The following EP400 variants were observed in gnomAD, a reference collection of about 807,000 sequenced individuals.
EP400 encodes E1A-binding protein p400.
Under a neutral mutation model 354.1 loss-of-function variants are expected in EP400, and 105 were observed. That is an observed-to-expected ratio of 0.30 (90% CI 0.25 to 0.35). The LOEUF (loss-of-function observed/expected upper bound fraction) is 0.35. Among genes scored for constraint, EP400 ranks in the 10% least tolerant of loss-of-function variants. The pLI is 1.00. For missense variants in EP400, 3,280 were observed against 4,121.0 expected, an observed-to-expected ratio of 0.80 and a Z score of 5.59; for synonymous variants, 1,646 against 1,716.9, an observed-to-expected ratio of 0.96 and a Z score of 1.02.
intron 45 of EP400, among the ~76,000 whole-genome samples, chr12:132,060,463 G>A (rs1895653974): frequency 1.3e-5 from 2 of 152,234 alleles, no homozygotes; most frequent in Non-Finnish European, 2.9e-5. Context: ...TGACCAAGAG[G>A]TCTTTCAAGC....
At position 132,077,851 on chromosome 12, in the gene EP400, C is replaced by A; in HGVS notation, c.*178C>A. The A allele has an allele frequency of 2.3e-6, 2 of 851,554 alleles. No individual in the cohort carries two copies. Among genetic ancestry groups the A allele is most frequent in the African/African-American group, 1.7e-5 (1 of 58,666 alleles). The allele number at this position is 851,554 out of a possible 1,614,324, so 52.7% of individuals were successfully genotyped here. A position where few individuals can be genotyped will look rare whatever the true frequency, so the allele number is the denominator to read the frequency against. ...CATCCCACACTGCAGGACAAATGGT[C>A]CTTATGGAGTGCCGCGTTCTCTGTA... is the stretch of plus-strand genomic sequence containing the variant. On this transcript the variant is annotated 3_prime_UTR_variant, in exon 53 of 53. Transcript: ENST00000389561.
intron 19 of EP400, among the ~76,000 whole-genome samples, chr12:132,014,645 A>G (rs1893867620): frequency 6.6e-6 from 1 of 152,178 alleles, no homozygotes; most frequent in South Asian, 2.1e-4. Context: ...GGGTGTGGCC[A>G]TGAGGCTTTG....
At chr12:132,058,235 A>G (rs748628882) in intron 45 of EP400, among the ~76,000 whole-genome samples, 3 of 152,172 alleles carry the variant, frequency 2.0e-5, no homozygotes, top group Admixed American at 6.5e-5. Flanking sequence ...AGATATTAAC[A>G]GAGAAACAGT....
chr12:132,028,004 CTT>C lies in EP400; in HGVS notation c.5110-9_5110-8del, dbSNP rs1468320981. ...TTTCTCAAGTAACTGTTTTTCATCA[CTT>C]TTTGATAAAGGAGGAAAAGACCAGA... On this transcript the variant is annotated splice_polypyrimidine_tract_variant and intron_variant, in intron 26 of 52. Coordinates refer to ENST00000389561, the MANE Select transcript of EP400 (RefSeq NM_015409.5). 6.2e-7 allele frequency: 1 copy of C among 1,607,016 alleles called. No homozygotes were observed. Among genetic ancestry groups the C allele is most frequent in the African/African-American group, 1.3e-5 (1 of 74,698 alleles).
chr12:132,020,882 G>A (rs1270036807), intron 22 of EP400, among the ~76,000 whole-genome samples, 197 bp from the exon 23 acceptor site: 1 of 152,200 alleles, frequency 6.6e-6, no homozygotes, highest in Non-Finnish European at 1.5e-5. Context: ...TCGAAGTGAA[G>A]ATAATTATCA....
chr12:131,955,997 TC>T (rs1891685964), intron 1 of EP400, among the ~76,000 whole-genome samples: 1 of 152,200 alleles, frequency 6.6e-6, no homozygotes, highest in Admixed American at 6.6e-5. Context: ...TTATCACAAA[TC>T]AAGCTGTAGC....
At chr12:132,031,796 C>G (rs1217663888) in intron 29 of EP400, among the ~76,000 whole-genome samples, 157 bp from the exon 30 acceptor site, 1 of 152,086 alleles carries the variant, frequency 6.6e-6, no homozygotes, top group African/African-American at 2.4e-5. Flanking sequence ...ACCTTGTGAT[C>G]CACCCACCTC....
At chr12:131,991,534 C>A in intron 10 of EP400, 78 bp downstream of exon 10, 1 of 1,310,184 alleles carries the variant, frequency 7.6e-7, no homozygotes, top group Non-Finnish European at 1.1e-6. Context: ...TCATTCTTAT[C>A]CAGAGGAATT....
At chr12:132,044,042 G>C (rs1342468448) in intron 34 of EP400, 135 bp from the exon 35 acceptor site, 9 of 1,264,092 alleles carry the variant, frequency 7.1e-6, no homozygotes, top group Middle Eastern at 5.3e-4. Context: ...GCTGCTTGTG[G>C]GGGTGATGCA....
At chr12:132,007,584 G>C (rs183534955) in intron 15 of EP400, among the ~76,000 whole-genome samples, 2 of 152,366 alleles carry the variant, frequency 1.3e-5, no homozygotes, top group South Asian at 2.1e-4. Flanking sequence ...GTGCCTAGCT[G>C]CAGAGGAAGG....
intron 1 of EP400, among the ~76,000 whole-genome samples, chr12:131,951,778 ATTGT>A (rs905515904): frequency 8.8e-6 from 1 of 113,388 alleles, no homozygotes; most frequent in Admixed American, 8.6e-5. Flanking sequence ...ATTTTTTTGT[ATTGT>A]TTGTTTGTTT....
Position 132,013,444 on chromosome 12 carries a change from C to T in EP400, c.3612-46C>T. The T allele has an allele frequency of 6.6e-7, 1 of 1,517,298 alleles. No individual in the cohort carries two copies. The allele number at this position is 1,517,298 out of a possible 1,614,324, so 94.0% of individuals were successfully genotyped here. On this transcript the variant is annotated intron_variant, in intron 17 of 52. Transcript: ENST00000389561. The surrounding 1 kb of genome is among the most constrained non-coding windows in gnomAD (Gnocchi z 4.5). Reference sequence around the variant, plus strand: ...TCAGAGAAGATGCTGCTGCAGCCAGCCCCGTGGCTGTAGAACTCCAGTGTT... The same window carrying T: ...TCAGAGAAGATGCTGCTGCAGCCAGTCCCGTGGCTGTAGAACTCCAGTGTT...
chr12:131,997,116 T>G (rs1893240614), intron 12 of EP400, among the ~76,000 whole-genome samples: 2 of 152,110 alleles, frequency 1.3e-5, no homozygotes. Context: ...AATGTGGGGA[T>G]TAGGAGTGCC....
intron 12 of EP400, among the ~76,000 whole-genome samples, chr12:132,004,581 T>G (rs2136521735): frequency 6.6e-6 from 1 of 152,386 alleles, no homozygotes; most frequent in Non-Finnish European, 1.5e-5. Context: ...TAGTCTATAC[T>G]GTTACTGTTC....
intron 48 of EP400, 51 bp from the exon 49 acceptor site, chr12:132,066,723 C>T (rs905717308): frequency 1.9e-6 from 3 of 1,554,572 alleles, no homozygotes; most frequent in Non-Finnish European, 2.6e-6. Context: ...TTTGGAAAGA[C>T]ATACCGTGTC....
intron 15 of EP400, among the ~76,000 whole-genome samples, chr12:132,009,030 C>G (rs949323937): frequency 3.5e-5 from 5 of 144,082 alleles, no homozygotes; most frequent in African/African-American, 1.3e-4. Context: ...CCTCCCACCT[C>G]AGCCTCCTAA....
Position 131,989,961 on chromosome 12 carries a change from C to T in EP400, c.2410-3C>T, listed in dbSNP as rs1892976780. 1.2e-6 allele frequency: 2 copies of T among 1,612,750 alleles called. No individual in the cohort carries two copies. Among genetic ancestry groups the T allele is most frequent in the Non-Finnish European group, 1.7e-6 (2 of 1,179,658 alleles). ...ATACAATTCTTGCACTTTTATTCAC[C>T]AGCTCGTTAGAACTGTGGTGCGCCA... On this transcript the variant is annotated splice_region_variant and splice_polypyrimidine_tract_variant and intron_variant, in intron 7 of 52. Coordinates refer to ENST00000389561, the MANE Select transcript of EP400 (RefSeq NM_015409.5).
rs1215237001 is a variant in EP400 at position 131,986,505 on chromosome 12, C to T, written c.1930-9C>T. ...TTCACCTTGCTCCACTTGTGCCCTG[C>T]CCTTACAGATGGTAGCATCGACAAG... is the stretch of plus-strand genomic sequence containing the variant. On this transcript the variant is annotated splice_polypyrimidine_tract_variant and intron_variant, in intron 5 of 52. Transcript: ENST00000389561. 6.3e-7 allele frequency: 1 copy of T among 1,588,790 alleles called. No homozygotes were observed. Among genetic ancestry groups the T allele is most frequent in the Non-Finnish European group, 8.6e-7 (1 of 1,166,004 alleles).
chr12:131,982,538 G>A, intron 5 of EP400, 60 bp downstream of exon 5: 1 of 1,530,948 alleles, frequency 6.5e-7, no homozygotes. Context: ...GGCTACCTGT[G>A]TGTTAGACAG....
Sources: gnomAD v4.1 joint callset for allele counts (sites outside exome capture counted in the v4.1 genomes callset) on GRCh38, gnomAD v4.1.1 for gene constraint, Gnocchi (gnomAD v3.1) non-coding constraint, MANE v1.5 for transcripts, NCBI Gene and HGNC (gene_info 2026-07-23, HGNC 2026-07-21) for gene names.